SUCLA2: variants seen among roughly 807,000 people sequenced by gnomAD.
SUCLA2 encodes succinate-CoA ligase ADP-forming subunit beta.
Under a neutral mutation model 54.8 loss-of-function variants are expected in SUCLA2, and 30 were observed. That is an observed-to-expected ratio of 0.55 (90% CI 0.41 to 0.74). The LOEUF (loss-of-function observed/expected upper bound fraction) is 0.74, where lower values mean the gene tolerates loss of function less well. SUCLA2 is among the 30% of genes least tolerant of loss of function. SUCLA2 has a pLI of 0.00. For synonymous variants in SUCLA2, 172 were observed against 188.9 expected, an observed-to-expected ratio of 0.91 and a Z score of 0.74; for missense variants, 476 against 562.9, an observed-to-expected ratio of 0.85 and a Z score of 1.56.
Position 47,988,616 on chromosome 13 carries a change from A to T in SUCLA2, c.459T>A (p.Asn153Lys). The T allele has an allele frequency of 6.2e-7, 1 of 1,613,960 alleles. No homozygotes were observed. The highest frequency in any genetic ancestry group is 8.5e-7 in the Non-Finnish European group (1 of 1,179,942). The change falls in exon 4 of 11, where the codon AAT becomes AAA. Residue 153 changes from asparagine to lysine, a missense_variant. Transcript: ENST00000646932. ...KQTGEKGRICNQVLVCERKYP... is the reference protein window; with the variant it reads ...KQTGEKGRICKQVLVCERKYP... ...ATTTTCGCTCACAGACCAATACTTG[A>T]TTGCATATTCTGCCCTTTTCTCCCG...
chr13:47,986,412 G>C (rs1297303374), intron 4 of SUCLA2, among the ~76,000 whole-genome samples: 3 of 152,084 alleles, frequency 2.0e-5, no homozygotes, highest in African/African-American at 7.2e-5. Context: ...TTGAAAATTT[G>C]TTTTAAGTTT....
chr13:47,959,338 T>C (rs1027593504), intron 6 of SUCLA2, among the ~76,000 whole-genome samples: 1 of 151,558 alleles, frequency 6.6e-6, no homozygotes, highest in Admixed American at 6.6e-5. Context: ...ATAAAGATAA[T>C]AATTTTGTAT....
At chr13:47,997,416 G>C (rs553285177) in intron 1 of SUCLA2, among the ~76,000 whole-genome samples, 4 of 152,106 alleles carry the variant, frequency 2.6e-5, no homozygotes, top group African/African-American at 9.7e-5. Context: ...CCTGGCACTA[G>C]ATATGTAATA....
intron 1 of SUCLA2, among the ~76,000 whole-genome samples, chr13:48,000,385 T>C (rs746435651): frequency 6.6e-6 from 1 of 152,188 alleles, no homozygotes; most frequent in Non-Finnish European, 1.5e-5. Flanking sequence ...TGATCTTACC[T>C]CCTATATGAC....
chr13:47,988,621 A>C lies in SUCLA2; in HGVS notation c.454T>G (p.Cys152Gly). 1 of 1,613,972 alleles carries C rather than the reference A, an allele frequency of 6.2e-7. No homozygotes were observed. The highest frequency in any genetic ancestry group is 8.5e-7 in the Non-Finnish European group (1 of 1,179,944). Residue 152 changes from cysteine (C) to glycine (G), a missense_variant, in exon 4 of 11, where the codon TGC becomes GGC. By Grantham distance (159) the Cys-to-Gly change is radical. This residue lies in a region of SUCLA2 where 342 missense variants were observed against 444.2 expected (regional missense o/e 0.77). Transcript: ENST00000646932. ...CGCTCACAGACCAATACTTGATTGCATATTCTGCCCTTTTCTCCCGTTTGC... is the reference window on the plus strand; with the variant it reads ...CGCTCACAGACCAATACTTGATTGCCTATTCTGCCCTTTTCTCCCGTTTGC... ...TKQTGEKGRI[C>G]NQVLVCERKY...
intron 10 of SUCLA2, among the ~76,000 whole-genome samples, chr13:47,943,781 T>TATATATATATATATATATATATA (rs879516106): frequency 2.0e-5 from 3 of 147,590 alleles, no homozygotes; most frequent in South Asian, 2.1e-4. Context: ...TATATATATA[T>TATATATATATATATATATATATA]TATTCTAAAT....
At chr13:47,992,330 G>A (rs1163772113) in intron 2 of SUCLA2, among the ~76,000 whole-genome samples, 1 of 141,932 alleles carries the variant, frequency 7.0e-6, no homozygotes, top group East Asian at 2.1e-4. Flanking sequence ...GTCTTTAAGG[G>A]CAAAAGATGA....
At chr13:47,995,566 A>G (rs1297152214) in intron 2 of SUCLA2, among the ~76,000 whole-genome samples, 2 of 152,188 alleles carry the variant, frequency 1.3e-5, no homozygotes, top group Non-Finnish European at 2.9e-5. Flanking sequence ...CTAGATACAA[A>G]TAAGTACTAC....
chr13:47,977,219 A>C lies in SUCLA2; in HGVS notation c.535-3827T>G, dbSNP rs7323131. On this transcript the variant is annotated intron_variant, in intron 4 of 10. Transcript: ENST00000646932. ...AAGACATTGATAACTTGCTAGAAAC[A>C]ATCTTCAAAATCATAAAGAAATAAA... 3.5e-3 allele frequency among the ~76,000 whole-genome samples: 539 copies of C among 152,282 alleles called. 4 individuals carry two copies. Among genetic ancestry groups the C allele is most frequent in the African/African-American group, 0.012 (498 of 41,572 alleles).
chr13:47,994,352 A>G (rs1593503982), intron 2 of SUCLA2, among the ~76,000 whole-genome samples: 1 of 152,014 alleles, frequency 6.6e-6, no homozygotes, highest in Non-Finnish European at 1.5e-5. Flanking sequence ...GGTGGATCAC[A>G]AGGTCAGGGG....
chr13:47,959,502 G>C (rs1949849944), intron 6 of SUCLA2, among the ~76,000 whole-genome samples: 1 of 54,664 alleles, frequency 1.8e-5, no homozygotes, highest in Non-Finnish European at 4.6e-5. Context: ...AGGGGAGCGG[G>C]GGGAGGAGGA....
At chr13:47,964,443 C>T (rs550552189) in intron 6 of SUCLA2, among the ~76,000 whole-genome samples, 1 of 152,188 alleles carries the variant, frequency 6.6e-6, no homozygotes, top group South Asian at 2.1e-4. Context: ...TACATATACA[C>T]ACAAATAACT....
intron 5 of SUCLA2, among the ~76,000 whole-genome samples, chr13:47,972,872 C>T (rs1172701895): frequency 2.7e-5 from 4 of 150,350 alleles, no homozygotes; most frequent in South Asian, 4.2e-4. Flanking sequence ...CTCAGCCTCC[C>T]GAGTAGCTGG....
chr13:47,943,608 G>C (rs983387840), intron 10 of SUCLA2, among the ~76,000 whole-genome samples, 163 bp from the exon 11 acceptor site: 1 of 151,784 alleles, frequency 6.6e-6, no homozygotes, highest in Non-Finnish European at 1.5e-5. Context: ...ATTCTCAAAG[G>C]ATAATCAAGT....
At chr13:47,957,172 C>G (rs898251949) in intron 6 of SUCLA2, among the ~76,000 whole-genome samples, 1 of 152,160 alleles carries the variant, frequency 6.6e-6, no homozygotes, top group Non-Finnish European at 1.5e-5. Context: ...TATTTTCTTA[C>G]ACATTGTTAC....
intron 2 of SUCLA2, among the ~76,000 whole-genome samples, chr13:47,989,338 G>A (rs1950132623): frequency 6.6e-6 from 1 of 151,880 alleles, no homozygotes. Flanking sequence ...AGCCTCCCGA[G>A]TAGCTGGGAC....
intron 4 of SUCLA2, among the ~76,000 whole-genome samples, chr13:47,980,145 G>A (rs1482076378): frequency 1.3e-5 from 2 of 152,188 alleles, no homozygotes; most frequent in African/African-American, 4.8e-5. Flanking sequence ...GGCAGGGCGC[G>A]GTGGCTCACG....
intron 6 of SUCLA2, chr13:47,965,778 T>G: frequency 5.2e-6 from 2 of 385,566 alleles, no homozygotes. Context: ...GAGAACGTTC[T>G]TGGCTTGCGC....
At chr13:47,981,572 T>C (rs1950060414) in intron 4 of SUCLA2, among the ~76,000 whole-genome samples, 1 of 152,180 alleles carries the variant, frequency 6.6e-6, no homozygotes, top group Admixed American at 6.5e-5. Context: ...TTCCCAGCAC[T>C]TTGGGAGGCC....
Sources: gnomAD v4.1 joint callset for allele counts (sites outside exome capture counted in the v4.1 genomes callset) on GRCh38, gnomAD v4.1.1 for gene constraint, gnomAD v4.1.1 regional missense constraint, MANE v1.5 for transcripts, NCBI Gene and HGNC (gene_info 2026-07-23, HGNC 2026-07-21) for gene names.